The following EPS15 variants were observed in gnomAD, a reference collection of about 807,000 sequenced individuals.
EPS15 encodes the protein epidermal growth factor receptor pathway substrate 15.
In EPS15, 72 loss-of-function variants were observed where a neutral mutation model predicts 113.8. The observed-to-expected ratio is 0.63, with a 90% CI of 0.52 to 0.77. The LOEUF (loss-of-function observed/expected upper bound fraction) is 0.77. Among genes scored for constraint, EPS15 ranks in the 30% least tolerant of loss-of-function variants. The pLI is 0.00. For synonymous variants in EPS15, 344 were observed against 363.4 expected (o/e 0.95, Z 0.61); for missense variants, 1,048 against 1,045.8 (o/e 1.00, Z -0.03).
chr1:51,503,274 G>C (rs1433664826), intron 1 of EPS15, among the ~76,000 whole-genome samples: 1 of 152,196 alleles, frequency 6.6e-6, no homozygotes, highest in African/African-American at 2.4e-5. Context: ...GTAGAAACTG[G>C]CAAGCTGATT....
At chr1:51,393,350 T>C (rs1647582257) in intron 21 of EPS15, among the ~76,000 whole-genome samples, 1 of 152,190 alleles carries the variant, frequency 6.6e-6, no homozygotes, top group South Asian at 2.1e-4. Flanking sequence ...GCTGGGATTA[T>C]AGGCACCCAC....
chr1:51,484,040 G>A (rs1328237465), intron 1 of EPS15, among the ~76,000 whole-genome samples: 3 of 152,136 alleles, frequency 2.0e-5, no homozygotes, highest in African/African-American at 7.2e-5. Flanking sequence ...GAGCCACGGA[G>A]GTCAAAGCTA....
At chr1:51,360,652 G>C (rs574559428) in intron 24 of EPS15, among the ~76,000 whole-genome samples, 1 of 152,240 alleles carries the variant, frequency 6.6e-6, no homozygotes, top group South Asian at 2.1e-4. Flanking sequence ...TTTTTAAAAA[G>C]CTACTGTGTA....
intron 1 of EPS15, among the ~76,000 whole-genome samples, chr1:51,495,303 T>C (rs1304542818): frequency 6.6e-6 from 1 of 152,144 alleles, no homozygotes; most frequent in African/African-American, 2.4e-5. Flanking sequence ...AAGGTTCTGA[T>C]ATGAGAATGG....
intron 1 of EPS15, among the ~76,000 whole-genome samples, chr1:51,503,600 C>G (rs994753934): frequency 6.6e-6 from 1 of 152,102 alleles, no homozygotes; most frequent in Non-Finnish European, 1.5e-5. Flanking sequence ...CGAGTTTGCA[C>G]CACAGCACTC....
chr1:51,510,352 T>G (rs1216456187), intron 1 of EPS15, among the ~76,000 whole-genome samples: 3 of 152,218 alleles, frequency 2.0e-5, no homozygotes, highest in Non-Finnish European at 2.9e-5. Context: ...AGAACAGATG[T>G]GCCTGGGTTC....
At chr1:51,444,650 T>G (rs540316667) in intron 11 of EPS15, among the ~76,000 whole-genome samples, 1 of 152,340 alleles carries the variant, frequency 6.6e-6, no homozygotes, top group Admixed American at 6.5e-5. Context: ...TTTTCCAATT[T>G]TAAGACTGGA....
chr1:51,384,048 C>T (rs1647000667), intron 21 of EPS15, among the ~76,000 whole-genome samples: 1 of 151,996 alleles, frequency 6.6e-6, no homozygotes. Context: ...TGTATACTGA[C>T]AATACAATAC....
At chr1:51,512,571 CA>C (rs1478140564) in intron 1 of EPS15, among the ~76,000 whole-genome samples, 1 of 151,458 alleles carries the variant, frequency 6.6e-6, no homozygotes, top group Non-Finnish European at 1.5e-5. Flanking sequence ...AGAGTTCTTA[CA>C]AATCAGTGAG....
chr1:51,383,944 A>C (rs1361821520), intron 21 of EPS15, among the ~76,000 whole-genome samples: 2 of 152,218 alleles, frequency 1.3e-5, no homozygotes, highest in African/African-American at 4.8e-5. Context: ...CTATATACCA[A>C]CAATGAACAA....
chr1:51,455,957 A>G (rs533611148), intron 8 of EPS15, among the ~76,000 whole-genome samples: 1 of 151,948 alleles, frequency 6.6e-6, no homozygotes, highest in Non-Finnish European at 1.5e-5. Context: ...AAAAAAAAAA[A>G]CCAAAAAACT....
rs556613059 is a variant in EPS15 at position 51,387,476 on chromosome 1, C to A, written c.2119+6905G>T. 3.1e-3 allele frequency among the ~76,000 whole-genome samples: 471 copies of A among 151,964 alleles called. 2 individuals carry two copies. Among genetic ancestry groups the A allele is most frequent in the Non-Finnish European group, 2.9e-3 (195 of 68,006 alleles). ...TCAAATTCACACATAACAATATTAA[C>A]TTTAAATGTAAATGGACTAAATGCT... On this transcript the variant is annotated intron_variant, in intron 21 of 24. Coordinates refer to ENST00000371733, the MANE Select transcript of EPS15 (RefSeq NM_001981.3).
At chr1:51,403,306 A>C (rs1648762483) in intron 17 of EPS15, 113 bp downstream of exon 17, 5 of 499,898 alleles carry the variant, frequency 1.0e-5, no homozygotes, top group Non-Finnish European at 1.8e-5. Context: ...CTTTTGATGT[A>C]TCTATCATCT....
At chr1:51,512,841 A>ACC (rs1644648631) in intron 1 of EPS15, among the ~76,000 whole-genome samples, 2 of 141,212 alleles carry the variant, frequency 1.4e-5, no homozygotes, top group African/African-American at 5.5e-5. Flanking sequence ...AATGAGCAAT[A>ACC]TCTTTTTTTT....
chr1:51,384,077 G>C (rs116493484), intron 21 of EPS15, among the ~76,000 whole-genome samples: 4,860 of 152,144 alleles, frequency 0.032, 128 homozygotes, highest in Non-Finnish European at 0.05. Flanking sequence ...AGAAATTAAA[G>C]ACACAAACAA....
At chr1:51,387,292 C>T (rs1388692225) in intron 21 of EPS15, among the ~76,000 whole-genome samples, 1 of 151,964 alleles carries the variant, frequency 6.6e-6, no homozygotes, top group East Asian at 1.9e-4. Flanking sequence ...CACCACCAGA[C>T]CTGCCCTAAA....
rs749448640 is a variant in EPS15 at position 51,399,130 on chromosome 1, G to C, written c.1954C>G (p.Pro652Ala). The stretch of plus-strand genomic sequence containing the variant: ...CTGAAGAAACAGTCTGATGCAAATG[G>C]ATCTGAACCTTTGAAAGGATCACCA... ...FGGDPFKGSD[P>A]FASDCFFRQS... The change falls in exon 20 of 25, where the codon CCA becomes GCA. Residue 652 changes from proline to alanine, a missense_variant. Coordinates refer to ENST00000371733, the MANE Select transcript of EPS15 (RefSeq NM_001981.3). 1 of 1,613,892 alleles carries C rather than the reference G, an allele frequency of 6.2e-7. No individual in the cohort carries two copies. The highest frequency in any genetic ancestry group is 8.5e-7 in the Non-Finnish European group (1 of 1,179,860).
intron 4 of EPS15, among the ~76,000 whole-genome samples, chr1:51,470,622 G>A (rs1468045310): frequency 7.1e-6 from 1 of 139,954 alleles, no homozygotes; most frequent in African/African-American, 2.7e-5. Flanking sequence ...ACTCCAGCCT[G>A]GGTAACAGAT....
rs534219201 is a variant in EPS15 at position 51,399,526 on chromosome 1, G to A, written c.1919-361C>T. Among the ~76,000 whole-genome samples the A allele has an allele frequency of 6.2e-4, 94 of 150,872 alleles. 1 individual carries two copies. Among genetic ancestry groups the A allele is most frequent in the African/African-American group, 2.1e-3 (86 of 41,016 alleles). On this transcript the variant is annotated intron_variant, in intron 19 of 24. Coordinates refer to ENST00000371733, the MANE Select transcript of EPS15 (RefSeq NM_001981.3). ...AAGATCTGCCACTGCACTCCAGCCT[G>A]GGTGACAGTGAGACCCTGTCTCAAA... is the stretch of plus-strand genomic sequence containing the variant.
Sources: gnomAD v4.1 joint callset for allele counts (sites outside exome capture counted in the v4.1 genomes callset) on GRCh38, gnomAD v4.1.1 for gene constraint, MANE v1.5 for transcripts, NCBI Gene and HGNC (gene_info 2026-07-23, HGNC 2026-07-21) for gene names.